Variants in KCNC1 observed in about 807,000 individuals in gnomAD.
KCNC1 encodes voltage-gated potassium channel KCNC1.
A neutral mutation model predicts 43.4 loss-of-function variants in KCNC1; 8 were observed. The ratio of observed to expected loss-of-function variants is 0.18; its 90% CI spans 0.11 to 0.33. The LOEUF is 0.33. Among genes scored for constraint, KCNC1 ranks in the 10% least tolerant of loss-of-function variants. KCNC1 has a pLI of 1.00. For synonymous variants in KCNC1, 361 were observed against 360.5 expected (o/e 1.00, Z -0.01); for missense variants, 420 against 836.0 (o/e 0.50, Z 6.14).
intron 1 of KCNC1, among the ~76,000 whole-genome samples, chr11:17,749,393 A>G (rs1240670551): frequency 6.6e-6 from 1 of 152,188 alleles, no homozygotes. Context: ...ATACCTGACA[A>G]GCGGGCTACC....
At chr11:17,746,979 A>G (rs1208496702) in intron 1 of KCNC1, among the ~76,000 whole-genome samples, 2 of 152,202 alleles carry the variant, frequency 1.3e-5, no homozygotes, top group Non-Finnish European at 2.9e-5. Flanking sequence ...GAACATAGTA[A>G]GTGCTTAATT....
intron 1 of KCNC1, among the ~76,000 whole-genome samples, chr11:17,737,161 G>A (rs981939196): frequency 2.0e-5 from 3 of 152,096 alleles, no homozygotes; most frequent in Non-Finnish European, 4.4e-5. Flanking sequence ...GTGGTCAAGA[G>A]GGCATCTCCA....
Position 17,736,452 on chromosome 11 carries a change from G to A in KCNC1, c.450G>A (p.Glu150=). 6.2e-7 allele frequency: 1 copy of A among 1,604,266 alleles called. No homozygotes were observed. The highest frequency in any genetic ancestry group is 8.5e-7 in the Non-Finnish European group (1 of 1,178,056). Residue 150 remains glutamate, a synonymous_variant, in exon 1 of 4, where the codon GAG becomes GAA. Coordinates refer to ENST00000265969, the MANE Select transcript of KCNC1 (RefSeq NM_001112741.2). This position sits in a 1 kb window ranked among gnomAD's most constrained non-coding sequence, Gnocchi z 9.3. ...CGGGCGACGGCGAGGACGAGCTGGA[G>A]ATGACCAAGCGCCTGGCGCTCAGTG... ...GDSGDGEDEL[E]MTKRLALSDS... is the part of the protein sequence containing the mutation.
At chr11:17,766,341 A>G (rs745833862) in intron 1 of KCNC1, among the ~76,000 whole-genome samples, 2 of 152,064 alleles carry the variant, frequency 1.3e-5, no homozygotes, top group African/African-American at 2.4e-5. Context: ...TGCTTAGGTA[A>G]TGGATGAGAC....
intron 1 of KCNC1, among the ~76,000 whole-genome samples, chr11:17,738,968 G>A (rs1848801256): frequency 6.6e-6 from 1 of 152,234 alleles, no homozygotes; most frequent in African/African-American, 2.4e-5. Context: ...GGAGGGACCT[G>A]CCCAAGGGCA....
intron 1 of KCNC1, among the ~76,000 whole-genome samples, chr11:17,766,252 G>T (rs934800512): frequency 1.3e-5 from 2 of 152,212 alleles, no homozygotes; most frequent in Non-Finnish European, 2.9e-5. Context: ...ATGTGTCTCC[G>T]CATGTGCTCC....
chr11:17,763,626 CCACACA>C (rs1176241770), intron 1 of KCNC1, among the ~76,000 whole-genome samples: 1 of 47,194 alleles, frequency 2.1e-5, no homozygotes, highest in Non-Finnish European at 4.8e-5. Flanking sequence ...ATATACACAC[CCACACA>C]CACACACCCC....
rs115348460 is a variant in KCNC1 at position 17,749,866 on chromosome 11, A to G, written c.570+13294A>G. On this transcript the variant is annotated intron_variant, in intron 1 of 3. Transcript: ENST00000265969. ...CTTCTTCATCTATAAAGTGTGCATAATGGCATCACCAGCTTCTCAGCGGTG... is the reference window on the plus strand; with the variant it reads ...CTTCTTCATCTATAAAGTGTGCATAGTGGCATCACCAGCTTCTCAGCGGTG... Among the ~76,000 whole-genome samples, 498 of 152,338 alleles carry G rather than the reference A, an allele frequency of 3.3e-3. 1 individual carries two copies. The highest frequency in any genetic ancestry group is 0.011 in the African/African-American group (457 of 41,574).
In KCNC1 at chr11:17,735,907, G is replaced by T; in HGVS notation, c.-96G>T. ...CCCCCCGACGGCTGGGGGGAGGGGG[G>T]AAGAGGGCGCGCGCCCCCCTCCCCG... is the stretch of plus-strand genomic sequence containing the variant. On this transcript the variant is annotated 5_prime_UTR_variant, in exon 1 of 4. Transcript: ENST00000265969. The surrounding 1 kb of genome is among the most constrained non-coding windows in gnomAD (Gnocchi z 6.7). 1 of 1,334,566 alleles carries T rather than the reference G, an allele frequency of 7.5e-7. No homozygotes were observed. Among genetic ancestry groups the T allele is most frequent in the Non-Finnish European group, 9.7e-7 (1 of 1,034,894 alleles). The allele number at this position is 1,334,566 out of a possible 1,614,324, so 82.7% of individuals were successfully genotyped here.
chr11:17,757,232 G>A (rs964374848), intron 1 of KCNC1, among the ~76,000 whole-genome samples: 5 of 152,174 alleles, frequency 3.3e-5, no homozygotes, highest in African/African-American at 1.2e-4. Flanking sequence ...AGTGAGTGAT[G>A]AACAAAAGCA....
intron 1 of KCNC1, among the ~76,000 whole-genome samples, chr11:17,746,711 G>A (rs772998564): frequency 2.0e-5 from 3 of 152,072 alleles, no homozygotes; most frequent in Non-Finnish European, 4.4e-5. Flanking sequence ...AAAGTGTATG[G>A]GCTTTGCATC....
At chr11:17,774,054 G>A in intron 2 of KCNC1, 5 of 985,490 alleles carry the variant, frequency 5.1e-6, no homozygotes, top group Non-Finnish European at 6.0e-6. Flanking sequence ...CAGCTATGCT[G>A]GCCCGAGCAC....
chr11:17,737,641 C>G (rs1003437086), intron 1 of KCNC1, among the ~76,000 whole-genome samples: 3 of 152,182 alleles, frequency 2.0e-5, no homozygotes, highest in Admixed American at 6.5e-5. Context: ...GGAAGAGACA[C>G]TCCCAGCCTT....
chr11:17,753,156 C>T (rs1400022235), intron 1 of KCNC1, among the ~76,000 whole-genome samples: 2 of 152,170 alleles, frequency 1.3e-5, no homozygotes, highest in Non-Finnish European at 2.9e-5. Context: ...AACAGGAACC[C>T]GAAGGTGTCT....
chr11:17,771,586 C>T lies in KCNC1; in HGVS notation c.571-79C>T, dbSNP rs2133804757. 3 of 1,293,010 alleles carry T rather than the reference C, an allele frequency of 2.3e-6. No homozygotes were observed. The highest frequency in any genetic ancestry group is 3.2e-6 in the Non-Finnish European group (3 of 926,374). The allele number at this position is 1,293,010 out of a possible 1,614,324, so 80.1% of individuals were successfully genotyped here. On this transcript the variant is annotated intron_variant, in intron 1 of 3. Transcript: ENST00000265969. This position sits in a 1 kb window ranked among gnomAD's most constrained non-coding sequence, Gnocchi z 4.7. Reference sequence around the variant, plus strand: ...GTGCTGGCATCTCCCCCCGCCTGGCCCTGGGACTGGACAGAGGCAACCCAG... The same window carrying T: ...GTGCTGGCATCTCCCCCCGCCTGGCTCTGGGACTGGACAGAGGCAACCCAG...
intron 1 of KCNC1, chr11:17,765,709 C>G (rs1241843165): frequency 6.6e-6 from 1 of 152,218 alleles, no homozygotes; most frequent in Non-Finnish European, 1.5e-5. Context: ...CGAAATTCTA[C>G]AGGGTGGCAA....
rs915488043 is a variant in KCNC1 at position 17,742,537 on chromosome 11, G to A, written c.570+5965G>A. The stretch of plus-strand genomic sequence containing the variant: ...CAGCCTGGCTACCACCCCAGCGTGA[G>A]CTCCCCTCTGCTAGGTGCAAGGTTA... On this transcript the variant is annotated intron_variant, in intron 1 of 3. Transcript: ENST00000265969. The surrounding 1 kb of genome is among the most constrained non-coding windows in gnomAD (Gnocchi z 4.2). Among the ~76,000 whole-genome samples, 1 of 152,248 alleles carries A rather than the reference G, an allele frequency of 6.6e-6. No homozygotes were observed. The highest frequency in any genetic ancestry group is 2.4e-5 in the African/African-American group (1 of 41,462).
chr11:17,737,696 T>G (rs922239624), intron 1 of KCNC1, among the ~76,000 whole-genome samples: 18 of 152,266 alleles, frequency 1.2e-4, no homozygotes, highest in Non-Finnish European at 1.2e-4. Flanking sequence ...CCCTAAGGCC[T>G]GTGGGGGAAG....
chr11:17,768,865 TC>T (rs1375233977), intron 1 of KCNC1, among the ~76,000 whole-genome samples: 2 of 152,178 alleles, frequency 1.3e-5, no homozygotes, highest in Non-Finnish European at 2.9e-5. Flanking sequence ...AATGCGGCCT[TC>T]TAGGGGGGAT....
Sources: gnomAD v4.1 joint callset for allele counts (sites outside exome capture counted in the v4.1 genomes callset) on GRCh38, gnomAD v4.1.1 for gene constraint, Gnocchi (gnomAD v3.1) non-coding constraint, MANE v1.5 for transcripts, NCBI Gene and HGNC (gene_info 2026-07-23, HGNC 2026-07-21) for gene names.